Variants in NRXN1 observed in about 807,000 individuals in gnomAD.
NRXN1 encodes the protein neurexin-1.
NRXN1 carries 39 observed loss-of-function variants against 150.9 expected under a neutral mutation model. That is an observed-to-expected ratio of 0.26 (90% CI 0.20 to 0.34). The LOEUF is 0.34. Ranked by LOEUF, NRXN1 falls within the 10% of genes least tolerant of loss-of-function variation. The pLI, the probability that NRXN1 is intolerant of heterozygous loss-of-function variation, is 1.00. For missense variants in NRXN1, 1,815 were observed against 1,949.9 expected (o/e 0.93, Z 1.30); for synonymous variants, 924 against 757.0 (o/e 1.22, Z -3.62).
intron 21 of NRXN1, among the ~76,000 whole-genome samples, chr2:49,982,759 G>A (rs531892246): frequency 5.3e-5 from 8 of 151,992 alleles, no homozygotes; most frequent in African/African-American, 1.2e-4. Flanking sequence ...GATAATGGAC[G>A]CATTTCTATT....
At chr2:50,277,607 A>G (rs914869170) in intron 17 of NRXN1, among the ~76,000 whole-genome samples, 1 of 150,094 alleles carries the variant, frequency 6.7e-6, no homozygotes, top group Non-Finnish European at 1.5e-5. Context: ...TGTCTAGACC[A>G]TCTTTGTTTT....
chr2:50,806,917 A>G (rs1239790649), intron 5 of NRXN1, among the ~76,000 whole-genome samples: 1 of 152,184 alleles, frequency 6.6e-6, no homozygotes, highest in Non-Finnish European at 1.5e-5. Flanking sequence ...TTTGTGTTAC[A>G]TTCCCAATTT....
intron 10 of NRXN1, among the ~76,000 whole-genome samples, chr2:50,534,823 T>G (rs985616545): frequency 6.6e-6 from 1 of 152,162 alleles, no homozygotes; most frequent in Admixed American, 6.6e-5. Context: ...AAAAGTAGCT[T>G]GATTTGATTG....
At chr2:50,234,898 C>T (rs759608945) in intron 18 of NRXN1, among the ~76,000 whole-genome samples, 52 of 152,042 alleles carry the variant, frequency 3.4e-4, no homozygotes, top group African/African-American at 6.7e-4. Flanking sequence ...CTAGAATGGA[C>T]GCCGAGAAAG....
intron 21 of NRXN1, chr2:49,974,172 G>A: frequency 1.4e-6 from 1 of 710,472 alleles, no homozygotes; most frequent in Non-Finnish European, 2.6e-6. Flanking sequence ...TCAGTGCCCT[G>A]CACACAGATG....
intron 9 of NRXN1, among the ~76,000 whole-genome samples, chr2:50,548,449 A>C (rs1474468145): frequency 1.3e-5 from 2 of 152,162 alleles, no homozygotes; most frequent in Admixed American, 1.3e-4. Context: ...AATTTAAATA[A>C]ATGCTTACAG....
chr2:49,978,372 C>G (rs969926433), intron 21 of NRXN1, among the ~76,000 whole-genome samples: 1 of 152,118 alleles, frequency 6.6e-6, no homozygotes, highest in Non-Finnish European at 1.5e-5. Flanking sequence ...ACCCTCTCCC[C>G]TTAGAAACTA....
chr2:50,000,819 G>C (rs997573839), intron 21 of NRXN1, among the ~76,000 whole-genome samples: 10 of 152,136 alleles, frequency 6.6e-5, no homozygotes, highest in Non-Finnish European at 1.3e-4. Context: ...CATAAAACTG[G>C]TGAGCAAGGC....
At chr2:51,026,508 A>G in intron 2 of NRXN1, 1 of 1,339,862 alleles carries the variant, frequency 7.5e-7, no homozygotes, top group South Asian at 1.2e-5. Context: ...TGACTTTTGT[A>G]GTTTAATGCC....
chr2:50,618,762 T>TATA lies in NRXN1; in HGVS notation c.1320+1257_1320+1259dup, dbSNP rs558881112. Among the ~76,000 whole-genome samples, 1,214 of 149,774 alleles carry TATA rather than the reference T, an allele frequency of 8.1e-3. 9 individuals are homozygous for TATA. The highest frequency in any genetic ancestry group is 0.035 in the Middle Eastern group (10 of 282). ...ATAACAGCTCTGGAAATATTAGTAC[T>TATA]ATAATAATAATAATAATAAATAATA... On this transcript the variant is annotated intron_variant, in intron 8 of 22. Transcript: ENST00000401669.
intron 17 of NRXN1, among the ~76,000 whole-genome samples, chr2:50,290,823 G>A (rs567367304): frequency 6.6e-6 from 1 of 152,300 alleles, no homozygotes; most frequent in Admixed American, 6.5e-5. Context: ...GGCCAAGAAA[G>A]GAATGTAGCT....
At chr2:50,262,354 T>C (rs2068377598) in intron 17 of NRXN1, among the ~76,000 whole-genome samples, 1 of 151,872 alleles carries the variant, frequency 6.6e-6, no homozygotes, top group South Asian at 2.1e-4. Context: ...ACATGGCTGT[T>C]CTAGCAACTC....
intron 22 of NRXN1, chr2:49,926,425 G>GC: frequency 2.5e-6 from 1 of 398,280 alleles, no homozygotes; most frequent in Non-Finnish European, 4.4e-6. Context: ...GAATCTTCTT[G>GC]TTTTTTGTTG....
chr2:50,504,410 T>G (rs1474636447), intron 13 of NRXN1, among the ~76,000 whole-genome samples: 1 of 152,092 alleles, frequency 6.6e-6, no homozygotes, highest in African/African-American at 2.4e-5. Context: ...CTCAACTGGC[T>G]AAGAGAAAAG....
At chr2:49,932,499 C>T (rs746863180) in intron 22 of NRXN1, among the ~76,000 whole-genome samples, 12 of 151,954 alleles carry the variant, frequency 7.9e-5, no homozygotes, top group Non-Finnish European at 1.2e-4. Flanking sequence ...TTTCTTTCTC[C>T]TTTCTCCTTT....
At chr2:50,221,985 G>A (rs997902972) in intron 18 of NRXN1, among the ~76,000 whole-genome samples, 20 of 152,064 alleles carry the variant, frequency 1.3e-4, no homozygotes, top group African/African-American at 3.9e-4. Flanking sequence ...AGCCTGTCAC[G>A]TTCCATGGTG....
intron 5 of NRXN1, among the ~76,000 whole-genome samples, chr2:50,754,538 G>C (rs966282859): frequency 6.6e-6 from 1 of 151,752 alleles, no homozygotes; most frequent in Non-Finnish European, 1.5e-5. Context: ...TATGAACACA[G>C]CCTGTATTAA....
intron 5 of NRXN1, among the ~76,000 whole-genome samples, chr2:50,875,102 T>C (rs2106118828): frequency 6.6e-6 from 1 of 151,942 alleles, no homozygotes; most frequent in Non-Finnish European, 1.5e-5. Flanking sequence ...GAAAATTCTC[T>C]AGTAGTATCA....
intron 17 of NRXN1, among the ~76,000 whole-genome samples, chr2:50,447,737 TTATATATA>T (rs70948710): frequency 1.3e-3 from 49 of 37,930 alleles, no homozygotes; most frequent in South Asian, 2.5e-3. Context: ...CAGGGGAACG[TTATATATA>T]TATATATATA....
Sources: allele counts gnomAD v4.1 joint callset (sites outside exome capture counted in the v4.1 genomes callset), GRCh38; gene constraint gnomAD v4.1.1; transcripts MANE v1.5; gene names NCBI Gene and HGNC (gene_info 2026-07-23, HGNC 2026-07-21).